GRIK2: variants seen among roughly 807,000 people sequenced by gnomAD.
GRIK2 encodes the protein glutamate ionotropic receptor kainate type subunit 2, also known as glutamate receptor ionotropic, kainate 2.
GRIK2 carries 32 observed loss-of-function variants against 100.3 expected under a neutral mutation model. The observed-to-expected ratio is 0.32, with a 90% CI of 0.24 to 0.43. The LOEUF (loss-of-function observed/expected upper bound fraction) is 0.43, where lower values mean the gene tolerates loss of function less well. Ranked by LOEUF, GRIK2 falls within the 20% of genes least tolerant of loss-of-function variation. The probability of loss-of-function intolerance (pLI) is 1.00; values close to 1 mark genes in which losing one functional copy is unlikely to be tolerated. For synonymous variants in GRIK2, 417 were observed against 389.4 expected, an observed-to-expected ratio of 1.07 and a Z score of -0.83; for missense variants, 843 against 1,114.9, an observed-to-expected ratio of 0.76 and a Z score of 3.47.
intron 2 of GRIK2, among the ~76,000 whole-genome samples, chr6:101,417,736 G>C (rs1357015333): frequency 6.6e-6 from 1 of 152,120 alleles, no homozygotes; most frequent in Non-Finnish European, 1.5e-5. Context: ...ATTGCTTCTG[G>C]CAATAGTAGG....
At chr6:101,395,986 T>C (rs1048711325) in intron 1 of GRIK2, among the ~76,000 whole-genome samples, 1 of 152,188 alleles carries the variant, frequency 6.6e-6, no homozygotes, top group African/African-American at 2.4e-5. Context: ...AATTGCCTGA[T>C]ATCCAATAGC....
intron 11 of GRIK2, among the ~76,000 whole-genome samples, chr6:101,874,572 C>T (rs201376668): frequency 5.3e-5 from 8 of 152,202 alleles, no homozygotes; most frequent in Non-Finnish European, 1.0e-4. Flanking sequence ...ATTGTCTTGG[C>T]AATGCAGGCT....
rs561470262 is a variant in GRIK2 at position 101,889,463 on chromosome 6, TCTTTA to T, written c.1525-173_1525-169del. Reference sequence around the variant, plus strand: ...AAATGATTAGTGCAATAAATCAGATTCTTTACTTCAGAGTAAGGAATGCTTTAAAT... The same window carrying T: ...AAATGATTAGTGCAATAAATCAGATTCTTCAGAGTAAGGAATGCTTTAAAT... On this transcript the variant is annotated intron_variant, in intron 11 of 16. Transcript: ENST00000369134. Among the ~76,000 whole-genome samples the T allele has an allele frequency of 3.5e-4, 53 of 152,076 alleles. 2 individuals are homozygous for T. The South Asian group carries it at 0.011, about 32-fold the overall frequency.
chr6:102,060,118 G>A (rs1301979358), intron 16 of GRIK2, among the ~76,000 whole-genome samples: 2 of 150,858 alleles, frequency 1.3e-5, no homozygotes, highest in South Asian at 2.1e-4. Flanking sequence ...TTAAATCTAT[G>A]TGGTATTGTT....
chr6:101,960,588 C>T (rs1246518300), intron 14 of GRIK2, among the ~76,000 whole-genome samples: 7 of 151,974 alleles, frequency 4.6e-5, no homozygotes, highest in Non-Finnish European at 8.8e-5. Flanking sequence ...GGGGCCAAGC[C>T]TCTGTATGAG....
At chr6:101,605,571 C>G (rs9377285) in intron 2 of GRIK2, among the ~76,000 whole-genome samples, 56,650 of 151,910 alleles carry the variant, frequency 0.37, 11,394 homozygotes, top group African/African-American at 0.53. Context: ...CATGTTGGAT[C>G]TGATTTTTAA....
At chr6:101,499,178 G>C (rs1773617815) in intron 2 of GRIK2, among the ~76,000 whole-genome samples, 1 of 152,020 alleles carries the variant, frequency 6.6e-6, no homozygotes, top group Admixed American at 6.6e-5. Context: ...TATTAATACT[G>C]TTATAAATAC....
intron 2 of GRIK2, among the ~76,000 whole-genome samples, chr6:101,609,560 A>G (rs900449044): frequency 6.6e-6 from 1 of 151,872 alleles, no homozygotes; most frequent in Admixed American, 6.6e-5. Context: ...AATAATGGCC[A>G]TTTGATCAAT....
In GRIK2 at chr6:101,598,924, T is replaced by A. The variant is rs756947536; in HGVS notation, c.116-23025T>A. On this transcript the variant is annotated intron_variant, in intron 2 of 16. Coordinates refer to ENST00000369134, the MANE Select transcript of GRIK2 (RefSeq NM_021956.5). ...GTACAATTTAAAAATAATTTTAATT[T>A]TAATTTTAGATTCATGAGTGTATGT... Among the ~76,000 whole-genome samples the A allele has an allele frequency of 7.9e-5, 12 of 151,782 alleles. No homozygotes were observed. In the Middle Eastern group the frequency reaches 0.027, roughly 344 times the overall value.
intron 2 of GRIK2, among the ~76,000 whole-genome samples, chr6:101,472,250 A>G (rs921045752): frequency 6.6e-6 from 1 of 151,820 alleles, no homozygotes; most frequent in Admixed American, 6.6e-5. Flanking sequence ...TTTCCATGCC[A>G]AAAATATTGC....
At chr6:102,014,982 C>A (rs1275641540) in intron 14 of GRIK2, among the ~76,000 whole-genome samples, 2 of 151,988 alleles carry the variant, frequency 1.3e-5, no homozygotes, top group African/African-American at 4.8e-5. Context: ...TCTTTCAAGT[C>A]CTGAATATCT....
At chr6:101,760,392 T>A (rs1160828262) in intron 7 of GRIK2, among the ~76,000 whole-genome samples, 4 of 78,158 alleles carry the variant, frequency 5.1e-5, no homozygotes, top group African/African-American at 2.9e-4. Flanking sequence ...TAATTAATTA[T>A]ATTTAATTAT....
intron 2 of GRIK2, among the ~76,000 whole-genome samples, chr6:101,463,024 A>C (rs1771417189): frequency 6.6e-6 from 1 of 152,188 alleles, no homozygotes; most frequent in Non-Finnish European, 1.5e-5. Flanking sequence ...TGATGCATTA[A>C]AACACCATAA....
At chr6:101,688,488 G>C (rs1352669858) in intron 7 of GRIK2, among the ~76,000 whole-genome samples, 1 of 151,890 alleles carries the variant, frequency 6.6e-6, no homozygotes, top group Non-Finnish European at 1.5e-5. Context: ...TAATTTCCAA[G>C]GTAGAAGCTC....
intron 2 of GRIK2, among the ~76,000 whole-genome samples, chr6:101,449,887 C>T (rs576279739): frequency 2.2e-4 from 34 of 151,334 alleles, no homozygotes; most frequent in Admixed American, 6.0e-4. Context: ...AGTGTAGAGA[C>T]GATTAATTCA....
rs950852270 is a variant in GRIK2, at chr6:101,486,763, T to C, written c.115+87371T>C. On this transcript the variant is annotated intron_variant, in intron 2 of 16. Transcript: ENST00000369134. ...GCTTAGGTAATCAACTTGTAATACT[T>C]GCACGTGTAAGATTCTCTGCAGCAA... Among the ~76,000 whole-genome samples, 6 of 118,252 alleles carry C rather than the reference T, an allele frequency of 5.1e-5. 1 individual carries two copies. The highest frequency in any genetic ancestry group is 1.6e-4 in the Admixed American group (2 of 12,402). The allele number at this position is 118,252 out of a possible 152,430, so 77.6% of individuals were successfully genotyped here. A position where few individuals can be genotyped will look rare whatever the true frequency, so the allele number is the denominator to read the frequency against.
intron 9 of GRIK2, among the ~76,000 whole-genome samples, chr6:101,811,028 C>A (rs533089497): frequency 1.3e-5 from 2 of 152,182 alleles, no homozygotes; most frequent in East Asian, 3.9e-4. Context: ...CTTATGCTTT[C>A]TATTTCTCAA....
chr6:101,655,953 AAAATT>A (rs1782039110), intron 4 of GRIK2, among the ~76,000 whole-genome samples: 1 of 149,912 alleles, frequency 6.7e-6, no homozygotes. Context: ...TTAGGACTGA[AAAATT>A]AAGTTAGTTG....
Position 101,622,122 on chromosome 6 carries a change from T to G in GRIK2, c.283+6T>G. The G allele has an allele frequency of 2.0e-6, 3 of 1,532,728 alleles. No individual in the cohort carries two copies. The highest frequency in any genetic ancestry group is 2.7e-6 in the Non-Finnish European group (3 of 1,117,638). The allele number at this position is 1,532,728 out of a possible 1,614,324, so 94.9% of individuals were successfully genotyped here. A position where few individuals can be genotyped will look rare whatever the true frequency, so the allele number is the denominator to read the frequency against. ...TTTTGAAGCATCCAAGAAAGGTAATTGATAGATTTTTAACATCTTTGTTTC... is the reference window on the plus strand; with the variant it reads ...TTTTGAAGCATCCAAGAAAGGTAATGGATAGATTTTTAACATCTTTGTTTC... On this transcript the variant is annotated splice_donor_region_variant and intron_variant, in intron 3 of 16. Transcript: ENST00000369134.
Sources: allele counts gnomAD v4.1 joint callset (sites outside exome capture counted in the v4.1 genomes callset), GRCh38; gene constraint gnomAD v4.1.1; transcripts MANE v1.5; gene names NCBI Gene and HGNC (gene_info 2026-07-23, HGNC 2026-07-21).